COL4A5: variants seen among roughly 807,000 people sequenced by gnomAD.
COL4A5 encodes the protein collagen type IV alpha 5 chain.
COL4A5 carries 26 observed loss-of-function variants against 130.2 expected under a neutral mutation model. The ratio of observed to expected loss-of-function variants is 0.20; its 90% CI spans 0.15 to 0.28. The LOEUF (loss-of-function observed/expected upper bound fraction) is 0.28. Among genes scored for constraint, COL4A5 ranks in the 10% least tolerant of loss-of-function variants. COL4A5 has a pLI of 1.00. For missense variants in COL4A5, 1,131 were observed against 1,344.3 expected (o/e 0.84, Z 2.48); for synonymous variants, 496 against 439.6 (o/e 1.13, Z -1.60).
intron 1 of COL4A5, among the ~76,000 whole-genome samples, chrX:108,479,705 C>CA (rs1272666128): frequency 9.0e-6 from 1 of 111,697 alleles, no homozygotes; most frequent in East Asian, 2.8e-4. Context: ...CGAGCCCAAT[C>CA]ACGTATATAC....
chrX:108,549,307 T>G (rs755919397), intron 2 of COL4A5, among the ~76,000 whole-genome samples: 136 of 111,920 alleles, frequency 1.2e-3, no homozygotes, highest in Non-Finnish European at 2.2e-3. Flanking sequence ...GAATATAATT[T>G]TTTTCAAGAG....
At chrX:108,557,380 TA>T (rs1415663834) in intron 2 of COL4A5, among the ~76,000 whole-genome samples, 1 of 111,757 alleles carries the variant, frequency 8.9e-6, no homozygotes, top group Non-Finnish European at 1.9e-5. Context: ...TATCATAATT[TA>T]AACACTAATT....
intron 1 of COL4A5, among the ~76,000 whole-genome samples, chrX:108,446,509 C>G (rs2064453295): frequency 9.0e-6 from 1 of 111,693 alleles, no homozygotes; most frequent in African/African-American, 3.3e-5. Context: ...TACAGTAGAC[C>G]CTGATATTTA....
At chrX:108,596,939 C>A in intron 22 of COL4A5, 59 bp from the exon 23 acceptor site, 1 of 1,104,090 alleles carries the variant, frequency 9.1e-7, no homozygotes. Flanking sequence ...GTCAGGAGTT[C>A]AAGCTCAAAG....
In COL4A5 at chrX:108,595,660, A is replaced by C. The variant is rs944417022; in HGVS notation, c.1516+59A>C. ...TTTTTGGCTAGATTTTGTTGAGCTT[A>C]TACTTTTAGAATGTTACCAGTTTCT... On this transcript the variant is annotated intron_variant, in intron 22 of 52. Coordinates refer to ENST00000328300, the MANE Select transcript of COL4A5 (RefSeq NM_033380.3). 6.1e-6 allele frequency: 6 copies of C among 988,580 alleles called. No homozygotes were observed. The East Asian group carries it at 1.8e-4, about 30-fold the overall frequency. The allele number at this position is 988,580 out of a possible 1,213,427, so 81.5% of individuals were successfully genotyped here. A position where few individuals can be genotyped will look rare whatever the true frequency, so the allele number is the denominator to read the frequency against.
Position 108,481,193 on chromosome X carries a change from T to TC in COL4A5, c.81+40991dup, listed in dbSNP as rs1451835825. ...TGGAGGACCACAATGACATTTTGGG[T>TC]CCCCTGGAATCAACATCAGCTCAGA... On this transcript the variant is annotated intron_variant, in intron 1 of 52. Coordinates refer to ENST00000328300, the MANE Select transcript of COL4A5 (RefSeq NM_033380.3). Among the ~76,000 whole-genome samples, 4 of 111,346 alleles carry TC rather than the reference T, an allele frequency of 3.6e-5. No individual in the cohort carries two copies. In the East Asian group the frequency reaches 1.1e-3, roughly 32 times the overall value.
chrX:108,458,397 T>C (rs2064604994), intron 1 of COL4A5, among the ~76,000 whole-genome samples: 1 of 111,995 alleles, frequency 8.9e-6, no homozygotes, highest in Admixed American at 9.5e-5. Flanking sequence ...TCTATCCTTA[T>C]GCCAATACCA....
chrX:108,458,364 A>G (rs113139208), intron 1 of COL4A5, among the ~76,000 whole-genome samples: 1 of 111,565 alleles, frequency 9.0e-6, no homozygotes, highest in African/African-American at 3.3e-5. Flanking sequence ...TTTGTATTCT[A>G]GTCTGTTTCA....
intron 1 of COL4A5, among the ~76,000 whole-genome samples, chrX:108,475,364 G>A (rs1603251181): frequency 9.0e-6 from 1 of 111,042 alleles, no homozygotes. Flanking sequence ...CACAATTATG[G>A]TGTCTTTGAA....
chrX:108,670,140 T>C (rs2068171769), intron 41 of COL4A5, 88 bp from the exon 42 acceptor site: 1 of 981,955 alleles, frequency 1.0e-6, no homozygotes. Flanking sequence ...TAATGCTTTT[T>C]AGTTTCTTGA....
chrX:108,507,247 C>CAA (rs1195605237), intron 1 of COL4A5, among the ~76,000 whole-genome samples: 1 of 50,859 alleles, frequency 2.0e-5, no homozygotes, highest in African/African-American at 6.0e-5. Context: ...ACAACAACAA[C>CAA]AAAAAAAAAA....
intron 10 of COL4A5, among the ~76,000 whole-genome samples, chrX:108,577,243 A>G (rs1414058374): frequency 9.2e-6 from 1 of 108,385 alleles, no homozygotes; most frequent in Non-Finnish European, 1.9e-5. Flanking sequence ...ATGATGGCAC[A>G]TGCCTGTAAT....
intron 1 of COL4A5, among the ~76,000 whole-genome samples, chrX:108,452,180 C>G (rs1159215317): frequency 1.8e-5 from 2 of 111,605 alleles, no homozygotes. Flanking sequence ...TTCCATTGAT[C>G]TATATCTCTG....
rs1332610021 is a variant in COL4A5 at position 108,544,068 on chromosome X, A to G, written c.141+4263A>G. ...GTCATCTGCAAACAGGGACAATTTG[A>G]CTTCCTTTTTTCCTAATTGAATACT... On this transcript the variant is annotated intron_variant, in intron 2 of 52. Coordinates refer to ENST00000328300, the MANE Select transcript of COL4A5 (RefSeq NM_033380.3). 8.1e-5 allele frequency among the ~76,000 whole-genome samples: 9 copies of G among 111,707 alleles called. No homozygotes were observed. In the Admixed American group the frequency reaches 8.6e-4, roughly 11 times the overall value.
intron 22 of COL4A5, among the ~76,000 whole-genome samples, chrX:108,596,240 A>G (rs778043947): frequency 4.5e-4 from 50 of 112,055 alleles, no homozygotes; most frequent in Non-Finnish European, 5.6e-4. Flanking sequence ...AAGGACACCA[A>G]TTCATTTGGA....
chrX:108,610,961 A>C (rs754231298), intron 29 of COL4A5, among the ~76,000 whole-genome samples: 2 of 111,502 alleles, frequency 1.8e-5, no homozygotes, highest in Non-Finnish European at 3.8e-5. Context: ...TCTAGGTAGC[A>C]TCACCATGAA....
intron 36 of COL4A5, among the ~76,000 whole-genome samples, chrX:108,629,073 C>G (rs867547102): frequency 1.9e-4 from 21 of 111,884 alleles, no homozygotes; most frequent in African/African-American, 6.8e-4. Context: ...AGTGACCACA[C>G]TGCAGTAAGA....
chrX:108,495,151 C>A (rs1390722368), intron 1 of COL4A5, among the ~76,000 whole-genome samples: 1 of 110,493 alleles, frequency 9.1e-6, no homozygotes, highest in Non-Finnish European at 1.9e-5. Context: ...GATTCTGGAA[C>A]AATTGAGCAT....
At chrX:108,618,278 G>A (rs1325002857) in intron 30 of COL4A5, among the ~76,000 whole-genome samples, 1 of 111,149 alleles carries the variant, frequency 9.0e-6, no homozygotes, top group Admixed American at 9.6e-5. Flanking sequence ...ATAGTATAAT[G>A]TCTGTTATTA....
Sources: gnomAD v4.1 joint callset for allele counts (sites outside exome capture counted in the v4.1 genomes callset) on GRCh38, gnomAD v4.1.1 for gene constraint, MANE v1.5 for transcripts, NCBI Gene and HGNC (gene_info 2026-07-23, HGNC 2026-07-21) for gene names.